FTO: variants seen among roughly 807,000 people sequenced by gnomAD.
FTO encodes alpha-ketoglutarate-dependent dioxygenase FTO.
FTO carries 47 observed loss-of-function variants against 63.9 expected under a neutral mutation model. That is an observed-to-expected ratio of 0.74 (90% CI 0.58 to 0.94). The LOEUF (loss-of-function observed/expected upper bound fraction) is 0.94. Ranked by LOEUF, FTO falls within the 40% of genes least tolerant of loss-of-function variation. The pLI is 0.00. For missense variants in FTO, 562 were observed against 618.1 expected (o/e 0.91, Z 0.96); for synonymous variants, 207 against 224.4 (o/e 0.92, Z 0.69).
intron 8 of FTO, among the ~76,000 whole-genome samples, chr16:54,095,440 C>CTT (rs144637373): frequency 0.028 from 4,164 of 146,984 alleles, 135 homozygotes; most frequent in South Asian, 0.08. Flanking sequence ...TCTATTCACT[C>CTT]TTTTTTTTTT....
At chr16:53,898,634 G>T (rs1028336029) in intron 7 of FTO, among the ~76,000 whole-genome samples, 2 of 152,188 alleles carry the variant, frequency 1.3e-5, no homozygotes, top group East Asian at 1.9e-4. Context: ...TTCACGTGAG[G>T]TCTGTGTTCT....
At chr16:54,110,888 T>C (rs2086869064) in intron 8 of FTO, among the ~76,000 whole-genome samples, 1 of 152,226 alleles carries the variant, frequency 6.6e-6, no homozygotes, top group African/African-American at 2.4e-5. Context: ...ATCTGTTTCC[T>C]TCTCTCTGAT....
chr16:53,871,470 A>G (rs1403724137), intron 4 of FTO, among the ~76,000 whole-genome samples: 2 of 152,100 alleles, frequency 1.3e-5, no homozygotes, highest in Admixed American at 1.3e-4. Flanking sequence ...TGTTTCAGAT[A>G]CTGCATGTTT....
intron 8 of FTO, among the ~76,000 whole-genome samples, chr16:53,997,708 T>G (rs2083975488): frequency 6.6e-6 from 1 of 151,650 alleles, no homozygotes; most frequent in South Asian, 2.1e-4. Context: ...TTGGATCTTT[T>G]TTTTTTTAGG....
chr16:54,016,307 A>C (rs67413914), intron 8 of FTO, among the ~76,000 whole-genome samples: 1 of 150,932 alleles, frequency 6.6e-6, no homozygotes, highest in Non-Finnish European at 1.5e-5. Context: ...AAAAAAAAAA[A>C]AAAAAAAACT....
Position 54,023,532 on chromosome 16 carries a change from C to G in FTO, c.1365-88230C>G, listed in dbSNP as rs138441829. ...GGATGACCTGGAGCTCATAACTAAT[C>G]TTATTTACTCTTCTGACCAGCCCAA... On this transcript the variant is annotated intron_variant, in intron 8 of 8. Transcript: ENST00000471389. Among the ~76,000 whole-genome samples, 5 of 152,328 alleles carry G rather than the reference C, an allele frequency of 3.3e-5. No individual in the cohort carries two copies. The East Asian group carries it at 9.6e-4, about 29-fold the overall frequency.
At chr16:53,762,530 G>A (rs903254993) in intron 1 of FTO, among the ~76,000 whole-genome samples, 5 of 152,112 alleles carry the variant, frequency 3.3e-5, no homozygotes, top group South Asian at 2.1e-4. Flanking sequence ...TATAAGCACC[G>A]AGTGAATGAT....
intron 5 of FTO, among the ~76,000 whole-genome samples, chr16:53,879,545 G>T (rs2080762826): frequency 6.6e-6 from 1 of 151,978 alleles, no homozygotes; most frequent in Admixed American, 6.6e-5. Context: ...AATTAGCTGG[G>T]CAGAGTAGTG....
chr16:53,922,311 C>T (rs1319437041), intron 7 of FTO, among the ~76,000 whole-genome samples: 1 of 152,124 alleles, frequency 6.6e-6, no homozygotes, highest in Non-Finnish European at 1.5e-5. Context: ...AGTAGGCAGG[C>T]AGAGAATTTC....
intron 6 of FTO, 116 bp downstream of exon 6, chr16:53,880,103 T>G: frequency 1.3e-6 from 1 of 760,400 alleles, no homozygotes; most frequent in Non-Finnish European, 2.2e-6. Flanking sequence ...CAAGTGATCC[T>G]CCTGTCTCAA....
Position 54,117,176 on chromosome 16 carries a change from T to C in FTO, c.*5261T>C, listed in dbSNP as rs1425871561. Reference sequence around the variant, plus strand: ...ACTCTACCACCTCTTCAAACCTTTGTTGTCTTATCTACAAAATAGAATAGT... The same window carrying C: ...ACTCTACCACCTCTTCAAACCTTTGCTGTCTTATCTACAAAATAGAATAGT... On this transcript the variant is annotated 3_prime_UTR_variant, in exon 9 of 9. Coordinates refer to ENST00000471389, the MANE Select transcript of FTO (RefSeq NM_001080432.3). 1 of 152,228 alleles carries C rather than the reference T, an allele frequency of 6.6e-6. No homozygotes were observed. The highest frequency in any genetic ancestry group is 1.5e-5 in the Non-Finnish European group (1 of 68,044). 9.4% of individuals were successfully genotyped at this position (152,228 alleles called of 1,614,324 possible). A position where few individuals can be genotyped will look rare whatever the true frequency, so the allele number is the denominator to read the frequency against.
chr16:53,856,715 A>C (rs1598839951), intron 4 of FTO, among the ~76,000 whole-genome samples: 1 of 146,002 alleles, frequency 6.8e-6, no homozygotes. Flanking sequence ...GCGCCACTAC[A>C]CTCCAGCCTG....
chr16:53,904,498 T>C lies in FTO; in HGVS notation c.1239+15547T>C, dbSNP rs142202767. ...AGGTTGTTCTCTTTCACCATGGACT[T>C]GTGCGTCAAATCAACTGATCAGTCT... On this transcript the variant is annotated intron_variant, in intron 7 of 8. Coordinates refer to ENST00000471389, the MANE Select transcript of FTO (RefSeq NM_001080432.3). Among the ~76,000 whole-genome samples, 5 of 152,328 alleles carry C rather than the reference T, an allele frequency of 3.3e-5. No homozygotes were observed. The East Asian group carries it at 9.7e-4, about 29-fold the overall frequency.
chr16:54,030,511 T>A (rs1048168658), intron 8 of FTO, among the ~76,000 whole-genome samples: 1 of 152,174 alleles, frequency 6.6e-6, no homozygotes, highest in Non-Finnish European at 1.5e-5. Context: ...AGTGTTCTCT[T>A]TCAGTTGGAT....
chr16:54,094,071 T>A (rs1286121429), intron 8 of FTO, among the ~76,000 whole-genome samples: 1 of 152,104 alleles, frequency 6.6e-6, no homozygotes, highest in Non-Finnish European at 1.5e-5. Context: ...AGTGAAGGAA[T>A]GACAGACCCA....
In FTO at chr16:53,828,748, T is replaced by C. The variant is rs561767604; in HGVS notation, c.751+2257T>C. Among the ~76,000 whole-genome samples the C allele has an allele frequency of 3.3e-5, 5 of 152,350 alleles. No homozygotes were observed. The South Asian group carries it at 1.0e-3, about 32-fold the overall frequency. Reference sequence around the variant, plus strand: ...AGAAGGTTGATTAACTTGTTCATGGTGATGCAGCAAGTAATTAGCAGAGTT... The same window carrying C: ...AGAAGGTTGATTAACTTGTTCATGGCGATGCAGCAAGTAATTAGCAGAGTT... On this transcript the variant is annotated intron_variant, in intron 3 of 8. Coordinates refer to ENST00000471389, the MANE Select transcript of FTO (RefSeq NM_001080432.3).
intron 1 of FTO, among the ~76,000 whole-genome samples, chr16:53,801,918 C>T (rs542325427): frequency 1.6e-3 from 239 of 152,218 alleles, no homozygotes; most frequent in Non-Finnish European, 2.8e-3. Flanking sequence ...CGCCACCACA[C>T]CCAGCTAATT....
chr16:54,081,620 T>C (rs772027216), intron 8 of FTO, among the ~76,000 whole-genome samples: 13 of 152,102 alleles, frequency 8.5e-5, no homozygotes, highest in Non-Finnish European at 1.5e-4. Flanking sequence ...TATATATAAA[T>C]TACTAAACGC....
chr16:54,032,211 A>C (rs563729255), intron 8 of FTO, among the ~76,000 whole-genome samples: 2 of 152,238 alleles, frequency 1.3e-5, no homozygotes, highest in Non-Finnish European at 2.9e-5. Context: ...TGATGTAAGC[A>C]TGCATCTGAC....
Sources: allele counts gnomAD v4.1 joint callset (sites outside exome capture counted in the v4.1 genomes callset), GRCh38; gene constraint gnomAD v4.1.1; transcripts MANE v1.5; gene names NCBI Gene and HGNC (gene_info 2026-07-23, HGNC 2026-07-21).